Variants in STPG2 observed in about 807,000 individuals in gnomAD.
The protein encoded by STPG2 is sperm-tail PG-rich repeat-containing protein 2.
In STPG2, 56 loss-of-function variants were observed where a neutral mutation model predicts 54.2. The ratio of observed to expected loss-of-function variants is 1.03; its 90% CI spans 0.83 to 1.29. The LOEUF (loss-of-function observed/expected upper bound fraction) is 1.29. Among genes scored for constraint, STPG2 ranks in the 50% most tolerant of loss-of-function variants. The probability of loss-of-function intolerance (pLI) is 0.00; values close to 1 mark genes in which losing one functional copy is unlikely to be tolerated. For missense variants in STPG2, 596 were observed against 544.9 expected, an observed-to-expected ratio of 1.09 and a Z score of -0.93; for synonymous variants, 200 against 181.8, an observed-to-expected ratio of 1.10 and a Z score of -0.81.
At chr4:97,805,342 G>T (rs1304691257) in intron 9 of STPG2, among the ~76,000 whole-genome samples, 1 of 152,034 alleles carries the variant, frequency 6.6e-6, no homozygotes, top group Non-Finnish European at 1.5e-5. Context: ...TGAGTAGCTG[G>T]GATTACAGGC....
At chr4:97,862,755 C>A (rs1008033840) in intron 8 of STPG2, among the ~76,000 whole-genome samples, 1 of 152,126 alleles carries the variant, frequency 6.6e-6, no homozygotes, top group South Asian at 2.1e-4. Flanking sequence ...TCTCTCCGAC[C>A]ACAGTGCAAT....
intron 5 of STPG2, among the ~76,000 whole-genome samples, chr4:97,991,880 G>A (rs1735029693): frequency 1.3e-5 from 2 of 151,982 alleles, no homozygotes; most frequent in South Asian, 4.1e-4. Context: ...TTTTTCATAT[G>A]TTTGTTGGCC....
chr4:97,658,221 A>G (rs1722272381), intron 10 of STPG2, among the ~76,000 whole-genome samples: 1 of 152,208 alleles, frequency 6.6e-6, no homozygotes, highest in African/African-American at 2.4e-5. Flanking sequence ...ATTAAATATG[A>G]CATATGCCTG....
intron 9 of STPG2, among the ~76,000 whole-genome samples, chr4:97,763,537 C>T (rs1030183524): frequency 6.6e-6 from 1 of 152,050 alleles, no homozygotes; most frequent in Admixed American, 6.6e-5. Flanking sequence ...AATAGAGAAC[C>T]TACAAGTAGG....
chr4:97,949,082 C>G (rs573238426), intron 7 of STPG2, among the ~76,000 whole-genome samples: 15 of 152,194 alleles, frequency 9.9e-5, no homozygotes, highest in Non-Finnish European at 1.9e-4. Flanking sequence ...TTTTAAAAAT[C>G]TGAGAGCTCC....
intron 9 of STPG2, among the ~76,000 whole-genome samples, chr4:97,718,521 T>G (rs1724359579): frequency 6.6e-6 from 1 of 151,952 alleles, no homozygotes; most frequent in Non-Finnish European, 1.5e-5. Context: ...AATATTTCAT[T>G]TACAACTTAA....
chr4:98,057,759 T>C (rs758711880), intron 5 of STPG2, among the ~76,000 whole-genome samples: 5 of 152,118 alleles, frequency 3.3e-5, no homozygotes, highest in Non-Finnish European at 5.9e-5. Flanking sequence ...ATCATCAGAT[T>C]TTCCAAGGTG....
At chr4:97,712,612 G>T in intron 10 of STPG2, 87 bp downstream of exon 10, 1 of 867,178 alleles carries the variant, frequency 1.2e-6, no homozygotes, top group Non-Finnish European at 1.6e-6. Context: ...AAAATATATG[G>T]AAAGGACTTT....
intron 5 of STPG2, among the ~76,000 whole-genome samples, chr4:97,985,353 T>C (rs783969): frequency 0.37 from 55,734 of 152,008 alleles, 12,067 homozygotes; most frequent in Admixed American, 0.51. Context: ...GGTATCAGAA[T>C]GTATTTAAAT....
At chr4:97,702,079 A>G (rs1259286337) in intron 10 of STPG2, among the ~76,000 whole-genome samples, 1 of 152,146 alleles carries the variant, frequency 6.6e-6, no homozygotes, top group Non-Finnish European at 1.5e-5. Context: ...GTAGGTCTAA[A>G]GACTAATCCA....
chr4:97,717,334 C>T (rs1054233278), intron 9 of STPG2, among the ~76,000 whole-genome samples: 7 of 152,266 alleles, frequency 4.6e-5, no homozygotes, highest in African/African-American at 1.2e-4. Flanking sequence ...AAAGTTATTA[C>T]AGAGTATCTG....
rs1455171349 is a variant in STPG2 at position 97,982,074 on chromosome 4, C to T, written c.613-756G>A. 3.3e-5 allele frequency among the ~76,000 whole-genome samples: 5 copies of T among 151,668 alleles called. 1 individual carries two copies. The South Asian group carries it at 8.3e-4, about 25-fold the overall frequency. ...TATTTTTTTGTATTTTTAGTAGAAA[C>T]GGGGTTTCACCGTGTTAGCCAGGAT... On this transcript the variant is annotated intron_variant, in intron 5 of 10. Coordinates refer to ENST00000295268, the MANE Select transcript of STPG2 (RefSeq NM_174952.3).
At chr4:97,865,183 A>G (rs1189270000) in intron 8 of STPG2, among the ~76,000 whole-genome samples, 1 of 152,168 alleles carries the variant, frequency 6.6e-6, no homozygotes, top group East Asian at 1.9e-4. Flanking sequence ...AAATTTTTGC[A>G]ATCTACTCAT....
intron 5 of STPG2, among the ~76,000 whole-genome samples, chr4:97,986,430 A>G (rs1734835344): frequency 6.6e-6 from 1 of 152,196 alleles, no homozygotes; most frequent in Non-Finnish European, 1.5e-5. Context: ...AATATACTCT[A>G]TGACTGTTGT....
At chr4:97,976,454 T>A (rs752669615) in intron 6 of STPG2, among the ~76,000 whole-genome samples, 1 of 152,160 alleles carries the variant, frequency 6.6e-6, no homozygotes, top group Non-Finnish European at 1.5e-5. Context: ...TTAATCTGAC[T>A]TGCAAAGCCA....
intron 9 of STPG2, among the ~76,000 whole-genome samples, chr4:97,760,852 A>G (rs186725614): frequency 5.5e-4 from 84 of 152,274 alleles, no homozygotes; most frequent in African/African-American, 2.0e-3. Context: ...GATGACTGCA[A>G]GGCTGCATTT....
chr4:98,105,969 A>G lies in STPG2; in HGVS notation c.596T>C (p.Leu199Ser). 2 of 1,569,558 alleles carry G rather than the reference A, an allele frequency of 1.3e-6. No homozygotes were observed. Among genetic ancestry groups the G allele is most frequent in the Non-Finnish European group, 1.7e-6 (2 of 1,146,818 alleles). Residue 199 changes from leucine to serine, a missense_variant, in exon 5 of 11, where the codon TTG becomes TCG. Physicochemically the swap from Leu to Ser is moderately radical, Grantham distance 145. Coordinates refer to ENST00000295268, the MANE Select transcript of STPG2 (RefSeq NM_174952.3). ...TCAACTTACCTTTTTTTTCTCCTGCAATACTATTATTTCATATAGTCGTGG... is the reference window on the plus strand; with the variant it reads ...TCAACTTACCTTTTTTTTCTCCTGCGATACTATTATTTCATATAGTCGTGG... ...FIPRLYEIIV[L>S]QEKKKRFLPM...
chr4:97,972,501 C>A (rs1734366155), intron 6 of STPG2, 61 bp from the exon 7 acceptor site: 8 of 1,007,852 alleles, frequency 7.9e-6, no homozygotes, highest in Admixed American at 6.3e-5. Flanking sequence ...ACCTTTTGAA[C>A]TGAGTAATTT....
chr4:97,456,360 A>G (rs1027968780), intron 4 of STPG2, among the ~76,000 whole-genome samples: 11 of 152,020 alleles, frequency 7.2e-5, no homozygotes, highest in Non-Finnish European at 1.5e-4. Context: ...GGAAAGTGCC[A>G]TGCACTTTTG....
Sources: gnomAD v4.1 joint callset for allele counts (sites outside exome capture counted in the v4.1 genomes callset) on GRCh38, gnomAD v4.1.1 for gene constraint, MANE v1.5 for transcripts, NCBI Gene and HGNC (gene_info 2026-07-23, HGNC 2026-07-21) for gene names.